The following TRPM2 variants were observed in gnomAD, a reference collection of about 807,000 sequenced individuals.
TRPM2 encodes the protein estrogen-responsive element-associated gene 1 protein.
Under a neutral mutation model 174.0 loss-of-function variants are expected in TRPM2, and 161 were observed. The observed-to-expected ratio is 0.93, with a 90% CI of 0.81 to 1.05. TRPM2 has a LOEUF of 1.05. Among genes scored for constraint, TRPM2 ranks in the 50% least tolerant of loss-of-function variants. The pLI is 0.00. For missense variants in TRPM2, 2,057 were observed against 2,038.0 expected, an observed-to-expected ratio of 1.01 and a Z score of -0.18; for synonymous variants, 954 against 861.3, an observed-to-expected ratio of 1.11 and a Z score of -1.88.
In TRPM2 at chr21:44,399,430, G is replaced by A. The variant is rs1183749080; in HGVS notation, c.2197G>A (p.Gly733Arg). 53 of 1,611,550 alleles carry A rather than the reference G, an allele frequency of 3.3e-5. No homozygotes were observed. Among genetic ancestry groups the A allele is most frequent in the Non-Finnish European group, 4.0e-5 (47 of 1,179,250 alleles). ...EAKDMKFVSHGGIQAFLTKVW... is the reference protein window; with the variant it reads ...EAKDMKFVSHRGIQAFLTKVW... ...CAAGGACATGAAGTTTGTGTCTCACGGGGGCATCCAGGTGACCTCCCAAGA... is the reference window on the plus strand; with the variant it reads ...CAAGGACATGAAGTTTGTGTCTCACAGGGGCATCCAGGTGACCTCCCAAGA... The change falls in exon 14 of 32, where the codon GGG (glycine) becomes AGG (arginine). Residue 733 changes from glycine to arginine, a missense_variant. Coordinates refer to ENST00000397928, the MANE Select transcript of TRPM2 (RefSeq NM_003307.4). The surrounding 1 kb of genome is among the most constrained non-coding windows in gnomAD (Gnocchi z 4.6).
rs565351808 is a variant in TRPM2, at chr21:44,375,228, C to G, written c.772-605C>G. On this transcript the variant is annotated intron_variant, in intron 5 of 31. Coordinates refer to ENST00000397928, the MANE Select transcript of TRPM2 (RefSeq NM_003307.4). ...CCCGTCTCCGCAAGGCCTTTAATAC[C>G]ACATTCCCACCAACATTCTCTTCAA... Among the ~76,000 whole-genome samples, 4 of 152,342 alleles carry G rather than the reference C, an allele frequency of 2.6e-5. No individual in the cohort carries two copies. In the East Asian group the frequency reaches 7.7e-4, roughly 29 times the overall value.
At position 44,379,080 on chromosome 21, in the gene TRPM2, G is replaced by A. The variant is rs1031052697; in HGVS notation, c.1098G>A (p.Val366=). Residue 366 remains valine, a synonymous_variant, in exon 8 of 32, where the codon GTG becomes GTA. Transcript: ENST00000397928. ...SGRVADVIAQ[V]ANLPVSDITI... ...GCGTGGCCGACGTCATTGCCCAGGTGGCCAACCTGCCTGTCTCGGACATCA... is the reference window on the plus strand; with the variant it reads ...GCGTGGCCGACGTCATTGCCCAGGTAGCCAACCTGCCTGTCTCGGACATCA... 2.5e-6 allele frequency: 4 copies of A among 1,613,032 alleles called. No individual in the cohort carries two copies. The highest frequency in any genetic ancestry group is 3.4e-6 in the Non-Finnish European group (4 of 1,180,028).
rs923771784 is a variant in TRPM2 at position 44,399,718 on chromosome 21, A to G, written c.2208+277A>G. ...GTTCCTACCTGGGAGCGGCAGGCAG[A>G]AGCCCAGGTGGCTCTGGGAACGGCG... On this transcript the variant is annotated intron_variant, in intron 14 of 31. Transcript: ENST00000397928. The surrounding 1 kb of genome is among the most constrained non-coding windows in gnomAD (Gnocchi z 4.6). Among the ~76,000 whole-genome samples the G allele has an allele frequency of 2.0e-5, 3 of 152,150 alleles. No individual in the cohort carries two copies. The highest frequency in any genetic ancestry group is 4.4e-5 in the Non-Finnish European group (3 of 68,022).
At chr21:44,414,109 T>C (rs1163760131) in intron 20 of TRPM2, 35 bp downstream of exon 20, 3 of 1,270,218 alleles carry the variant, frequency 2.4e-6, no homozygotes, top group Non-Finnish European at 3.4e-6. Flanking sequence ...TGCAGGTGGG[T>C]GGGTGGGCGG....
At position 44,370,356 on chromosome 21, in the gene TRPM2, G is replaced by A. The variant is rs923507539; in HGVS notation, c.771+1013G>A. On this transcript the variant is annotated intron_variant, in intron 5 of 31. Transcript: ENST00000397928. ...GCCAGCACCCACCCCCAGCTTCTCCGTCAAGGTTGAGGACGGAGCACTCCT... is the reference window on the plus strand; with the variant it reads ...GCCAGCACCCACCCCCAGCTTCTCCATCAAGGTTGAGGACGGAGCACTCCT... 2.6e-5 allele frequency among the ~76,000 whole-genome samples: 4 copies of A among 152,156 alleles called. No homozygotes were observed. The East Asian group carries it at 7.7e-4, about 29-fold the overall frequency.
At chr21:44,421,020 C>G (rs1476702775) in intron 22 of TRPM2, among the ~76,000 whole-genome samples, 1 of 152,136 alleles carries the variant, frequency 6.6e-6, no homozygotes, top group Non-Finnish European at 1.5e-5. Context: ...GGGCTGGACC[C>G]CAAATGAATC....
intron 27 of TRPM2, among the ~76,000 whole-genome samples, chr21:44,428,855 G>A (rs2050927854): frequency 6.6e-6 from 1 of 152,086 alleles, no homozygotes; most frequent in African/African-American, 2.4e-5. Context: ...CTCCCCTGAG[G>A]TGTGGCTCCT....
At chr21:44,389,682 C>A (rs1447734296) in intron 9 of TRPM2, among the ~76,000 whole-genome samples, 1 of 152,046 alleles carries the variant, frequency 6.6e-6, no homozygotes, top group Non-Finnish European at 1.5e-5. Flanking sequence ...TGGCCATTTG[C>A]CTGTCTTCCT....
Position 44,391,488 on chromosome 21 carries a change from G to T in TRPM2, c.1657G>T (p.Ala553Ser). 1 of 1,590,822 alleles carries T rather than the reference G, an allele frequency of 6.3e-7. No individual in the cohort carries two copies. Residue 553 changes from alanine (A) to serine (S), a missense_variant, in exon 11 of 32, where the codon GCG becomes TCG. By Grantham distance (99) the Ala-to-Ser change is moderately conservative. Transcript: ENST00000397928. This position sits in a 1 kb window ranked among gnomAD's most constrained non-coding sequence, Gnocchi z 5.0. Reference protein sequence around the residue: ...DPERPACAPAAPRLQMHHVAQ... With the variant: ...DPERPACAPASPRLQMHHVAQ... Reference sequence around the variant, plus strand: ...CGAGCGCCCGGCTTGCGCGCCCGCGGCGCCCCGCCTGCAGATGCACCACGT... The same window carrying T: ...CGAGCGCCCGGCTTGCGCGCCCGCGTCGCCCCGCCTGCAGATGCACCACGT...
Position 44,434,263 on chromosome 21 carries a change from G to A in TRPM2, c.3975-868G>A, listed in dbSNP as rs867805915. Reference sequence around the variant, plus strand: ...CTGTGGTGGGGACGGTGGCGGGGACGCTGGCGGGGACTGTGGCAGAGACGC... The same window carrying A: ...CTGTGGTGGGGACGGTGGCGGGGACACTGGCGGGGACTGTGGCAGAGACGC... On this transcript the variant is annotated intron_variant, in intron 27 of 31. Transcript: ENST00000397928. Among the ~76,000 whole-genome samples the A allele has an allele frequency of 7.3e-5, 11 of 151,586 alleles. No homozygotes were observed. In the South Asian group the frequency reaches 1.5e-3, roughly 20 times the overall value.
rs145754956 is a variant in TRPM2 at position 44,395,448 on chromosome 21, G to C, written c.1829G>C (p.Arg610Pro). The part of the protein sequence containing the change: ...QGVSLRSLYK[R>P]SSGHVTFTMD... ...GTGAGCCTCCGGTCCCTCTACAAGCGTTCCTCAGGCCATGTGACCTTCACC... is the reference window on the plus strand; with the variant it reads ...GTGAGCCTCCGGTCCCTCTACAAGCCTTCCTCAGGCCATGTGACCTTCACC... The change falls in exon 12 of 32, where the codon CGT becomes CCT. Residue 610 changes from arginine (R) to proline (P), a missense_variant. Transcript: ENST00000397928. The C allele has an allele frequency of 6.2e-7, 1 of 1,612,744 alleles. No individual in the cohort carries two copies. Among genetic ancestry groups the C allele is most frequent in the Non-Finnish European group, 8.5e-7 (1 of 1,179,954 alleles).
In TRPM2 at chr21:44,395,432, C is replaced by T. The variant is rs778079379; in HGVS notation, c.1813C>T (p.Arg605Trp). ...TCACCAGGTGCAGGGAGTGAGCCTC[C>T]GGTCCCTCTACAAGCGTTCCTCAGG... is the stretch of plus-strand genomic sequence containing the variant. The part of the protein sequence containing the change: ...VKLNVQGVSL[R>W]SLYKRSSGHV... The change falls in exon 12 of 32, where the codon CGG becomes TGG. Residue 605 changes from arginine to tryptophan, a missense_variant. Arg to Trp is a moderately radical substitution (Grantham distance 101). Coordinates refer to ENST00000397928, the MANE Select transcript of TRPM2 (RefSeq NM_003307.4). The T allele has an allele frequency of 1.8e-5, 29 of 1,612,634 alleles. No homozygotes were observed. Among genetic ancestry groups the T allele is most frequent in the East Asian group, 1.8e-4 (8 of 44,884 alleles).
At chr21:44,416,669 T>C in intron 20 of TRPM2, 2 of 183,960 alleles carry the variant, frequency 1.1e-5, no homozygotes, top group Non-Finnish European at 2.3e-5. Context: ...CCAGGAAGCC[T>C]GGAATTGTGA....
intron 19 of TRPM2, among the ~76,000 whole-genome samples, chr21:44,410,789 C>T (rs1253869390): frequency 6.2e-5 from 4 of 64,238 alleles, no homozygotes; most frequent in African/African-American, 1.5e-4. Flanking sequence ...TCTTGGTGAG[C>T]GTAGCCTTGT....
rs190752320 is a variant in TRPM2, at chr21:44,439,696, C to T, written c.4269+528C>T. 1.6e-3 allele frequency among the ~76,000 whole-genome samples: 249 copies of T among 152,280 alleles called. 1 individual carries two copies. Among genetic ancestry groups the T allele is most frequent in the African/African-American group, 5.7e-3 (237 of 41,566 alleles). On this transcript the variant is annotated intron_variant, in intron 30 of 31. Transcript: ENST00000397928. The surrounding 1 kb of genome is among the most constrained non-coding windows in gnomAD (Gnocchi z 5.1). ...TTAGAAAGCCTCCATCTCCAGCTCT[C>T]TCACACAAATGCATGCACACTTTTT...
At chr21:44,386,065 A>G (rs748319889) in intron 9 of TRPM2, among the ~76,000 whole-genome samples, 10 of 152,200 alleles carry the variant, frequency 6.6e-5, no homozygotes, top group Non-Finnish European at 1.5e-4. Flanking sequence ...TCAGCAAAGT[A>G]GCAGGACACA....
At chr21:44,398,906 G>T (rs2049518145) in intron 13 of TRPM2, among the ~76,000 whole-genome samples, 1 of 152,148 alleles carries the variant, frequency 6.6e-6, no homozygotes, top group African/African-American at 2.4e-5. Context: ...GCAAGAAGGG[G>T]GTTCGTTTCG....
chr21:44,386,414 C>T (rs191804965), intron 9 of TRPM2, among the ~76,000 whole-genome samples: 53 of 148,822 alleles, frequency 3.6e-4, no homozygotes, highest in African/African-American at 1.2e-3. Context: ...CCCCCACCAC[C>T]AAAAAAAAAT....
intron 22 of TRPM2, among the ~76,000 whole-genome samples, chr21:44,419,868 A>G (rs62218796): frequency 7.4e-6 from 1 of 134,750 alleles, no homozygotes; most frequent in African/African-American, 2.9e-5. Context: ...TAATGGTGGT[A>G]GCGGTGATGG....
Sources: allele counts gnomAD v4.1 joint callset (sites outside exome capture counted in the v4.1 genomes callset), GRCh38; gene constraint gnomAD v4.1.1; non-coding constraint Gnocchi (gnomAD v3.1); transcripts MANE v1.5; gene names NCBI Gene and HGNC (gene_info 2026-07-23, HGNC 2026-07-21).